PAM: variants seen among roughly 807,000 people sequenced by gnomAD.
PAM encodes the protein peptidyl-glycine alpha-amidating monooxygenase.
Under a neutral mutation model 122.1 loss-of-function variants are expected in PAM, and 72 were observed. The ratio of observed to expected loss-of-function variants is 0.59; its 90% CI spans 0.49 to 0.72. The LOEUF is 0.72. Among genes scored for constraint, PAM ranks in the 30% least tolerant of loss-of-function variants. The pLI is 0.00. For synonymous variants in PAM, 389 were observed against 404.4 expected (o/e 0.96, Z 0.46); for missense variants, 1,106 against 1,183.7 (o/e 0.93, Z 0.96).
intron 4 of PAM, among the ~76,000 whole-genome samples, chr5:102,912,923 C>A (rs1194162808): frequency 6.6e-6 from 1 of 152,052 alleles, no homozygotes; most frequent in Non-Finnish European, 1.5e-5. Flanking sequence ...TGTTTTTGGT[C>A]AGACACACTG....
chr5:102,825,182 G>C (rs569946840), intron 1 of PAM, among the ~76,000 whole-genome samples: 1 of 152,180 alleles, frequency 6.6e-6, no homozygotes, highest in East Asian at 1.9e-4. Context: ...AAATTAAATG[G>C]CTAATATTTT....
chr5:102,851,656 G>A (rs541639340), intron 1 of PAM, among the ~76,000 whole-genome samples: 1 of 152,198 alleles, frequency 6.6e-6, no homozygotes, highest in Admixed American at 6.5e-5. Context: ...TTAGGAACAA[G>A]GAAAATAGGC....
rs1561362278 is a variant in PAM at position 102,758,069 on chromosome 5, TTTTG to T, written c.-374+2725_-374+2728del. Among the ~76,000 whole-genome samples, 14 of 30,188 alleles carry T rather than the reference TTTTG, an allele frequency of 4.6e-4. No homozygotes were observed. In the East Asian group the frequency reaches 0.013, roughly 27 times the overall value. The allele number at this position is 30,188 out of a possible 152,430, so 19.8% of individuals were successfully genotyped here. A position where few individuals can be genotyped will look rare whatever the true frequency, so the allele number is the denominator to read the frequency against. Reference sequence around the variant, plus strand: ...AAAAAAAAAAAAAAAAGACTTAGAATTTTGTTTTTTTTTTTTTTTTTTTTTTTTT... The same window carrying T: ...AAAAAAAAAAAAAAAAGACTTAGAATTTTTTTTTTTTTTTTTTTTTTTTTT... On this transcript the variant is annotated intron_variant, in intron 1 of 25. Coordinates refer to ENST00000438793, the MANE Select transcript of PAM (RefSeq NM_001177306.2).
intron 3 of PAM, among the ~76,000 whole-genome samples, chr5:102,882,295 A>G (rs1459567904): frequency 1.3e-5 from 2 of 151,336 alleles, no homozygotes; most frequent in Admixed American, 6.6e-5. Flanking sequence ...AGGAATCTAC[A>G]CACTGTTTTC....
rs182761075 is a variant in PAM at position 102,798,433 on chromosome 5, C to T, written c.-374+43085C>T. Among the ~76,000 whole-genome samples, 218 of 152,194 alleles carry T rather than the reference C, an allele frequency of 1.4e-3. 1 individual carries two copies. The highest frequency in any genetic ancestry group is 4.9e-3 in the African/African-American group (203 of 41,518). ...TAGGTAATTACTGGTTTTCAGCATG[C>T]GAAGGAGGTATATTATTGAATTTTT... On this transcript the variant is annotated intron_variant, in intron 1 of 25. Transcript: ENST00000438793.
chr5:102,858,248 A>T (rs1002686850), intron 1 of PAM, among the ~76,000 whole-genome samples: 4 of 152,234 alleles, frequency 2.6e-5, no homozygotes, highest in Admixed American at 2.0e-4. Context: ...AGAAAATGGA[A>T]TTGCATTTGA....
chr5:102,832,113 A>T (rs1362546085), intron 1 of PAM, among the ~76,000 whole-genome samples: 1 of 152,156 alleles, frequency 6.6e-6, no homozygotes, highest in Non-Finnish European at 1.5e-5. Flanking sequence ...AATTATGATT[A>T]CAAGTGTCCA....
chr5:102,937,149 T>C (rs1753537888), intron 7 of PAM, among the ~76,000 whole-genome samples: 2 of 152,316 alleles, frequency 1.3e-5, no homozygotes, highest in Admixed American at 6.5e-5. Flanking sequence ...TAAAATTCTT[T>C]AATAGAAGCC....
At chr5:102,979,449 A>C (rs1358903960) in intron 15 of PAM, among the ~76,000 whole-genome samples, 1 of 152,180 alleles carries the variant, frequency 6.6e-6, no homozygotes, top group Non-Finnish European at 1.5e-5. Flanking sequence ...GACCAAAATA[A>C]GACATCCTTT....
rs115445325 is a variant in PAM, at chr5:102,931,766, A to G, written c.526+5098A>G. Among the ~76,000 whole-genome samples, 1,014 of 152,168 alleles carry G rather than the reference A, an allele frequency of 6.7e-3. 8 individuals are homozygous for G. Among genetic ancestry groups the G allele is most frequent in the Non-Finnish European group, 0.012 (845 of 68,010 alleles). On this transcript the variant is annotated intron_variant, in intron 7 of 25. Transcript: ENST00000438793. ...CTTACTGTCATTAAGCTCTTGGCGC[A>G]TATGGGAAAACTAGCAGATATTATT...
At chr5:102,793,766 T>A (rs1762653033) in intron 1 of PAM, among the ~76,000 whole-genome samples, 1 of 152,224 alleles carries the variant, frequency 6.6e-6, no homozygotes, top group Non-Finnish European at 1.5e-5. Flanking sequence ...TTATAGCAAG[T>A]ATTTTATCCT....
At position 102,959,866 on chromosome 5, in the gene PAM, TGCCTGCAG is replaced by T; in HGVS notation, c.906-8_906-1del. 1.3e-6 allele frequency: 2 copies of T among 1,597,796 alleles called. No homozygotes were observed. Among genetic ancestry groups the T allele is most frequent in the African/African-American group, 1.3e-5 (1 of 74,632 alleles). ...TAGTTGATTTGTTATATCTTTTTTT[TGCCTGCAG>T]TGGCACGTCTAGTGATGAAATGTGC... On this transcript the variant is annotated splice_acceptor_variant and splice_polypyrimidine_tract_variant and intron_variant, in intron 12 of 25. Transcript: ENST00000438793. LOFTEE classifies it high-confidence loss of function.
intron 4 of PAM, among the ~76,000 whole-genome samples, chr5:102,908,115 G>T (rs1048575426): frequency 7.2e-5 from 11 of 151,858 alleles, no homozygotes; most frequent in Non-Finnish European, 1.0e-4. Flanking sequence ...GGTCTAACAT[G>T]TAAGTCTTTA....
intron 1 of PAM, among the ~76,000 whole-genome samples, chr5:102,847,228 C>T (rs1780162686): frequency 6.6e-6 from 1 of 152,168 alleles, no homozygotes; most frequent in South Asian, 2.1e-4. Context: ...CACCTGAGGT[C>T]AGGAGTTCAA....
intron 1 of PAM, among the ~76,000 whole-genome samples, chr5:102,860,517 T>C (rs1311233406): frequency 6.6e-6 from 1 of 151,914 alleles, no homozygotes. Context: ...ACTCTGTCTC[T>C]ACAAAAAATA....
At chr5:102,989,683 T>A (rs1773364279) in intron 15 of PAM, 1 of 152,106 alleles carries the variant, frequency 6.6e-6, no homozygotes, top group Admixed American at 6.6e-5. Flanking sequence ...TCACTGAAAT[T>A]AGGAGAATGA....
At chr5:102,864,214 A>T (rs1435424165) in intron 1 of PAM, among the ~76,000 whole-genome samples, 1 of 147,828 alleles carries the variant, frequency 6.8e-6, no homozygotes, top group Non-Finnish European at 1.5e-5. Context: ...ACTTCAGGGA[A>T]TGTGAAGTAT....
At chr5:102,803,900 G>A (rs1340920734) in intron 1 of PAM, among the ~76,000 whole-genome samples, 1 of 152,152 alleles carries the variant, frequency 6.6e-6, no homozygotes, top group Non-Finnish European at 1.5e-5. Context: ...CTATGCAAAA[G>A]TATGTTTTAA....
intron 17 of PAM, among the ~76,000 whole-genome samples, chr5:103,004,675 GTT>G (rs1324415110): frequency 2.6e-5 from 4 of 152,124 alleles, no homozygotes; most frequent in African/African-American, 9.7e-5. Flanking sequence ...TGTGCTGTGG[GTT>G]TTACTGTCTT....
Sources: allele counts gnomAD v4.1 joint callset (sites outside exome capture counted in the v4.1 genomes callset), GRCh38; gene constraint gnomAD v4.1.1; transcripts MANE v1.5; gene names NCBI Gene and HGNC (gene_info 2026-07-23, HGNC 2026-07-21).